The following ARHGEF28 variants were observed in gnomAD, a reference collection of about 807,000 sequenced individuals.
The protein encoded by ARHGEF28 is Rho guanine nucleotide exchange factor 28.
ARHGEF28 carries 152 observed loss-of-function variants against 206.6 expected under a neutral mutation model. The ratio of observed to expected loss-of-function variants is 0.74; its 90% CI spans 0.64 to 0.84. The LOEUF (loss-of-function observed/expected upper bound fraction) is 0.84. Ranked by LOEUF, ARHGEF28 falls within the 40% of genes least tolerant of loss-of-function variation. The pLI is 0.00. For synonymous variants in ARHGEF28, 763 were observed against 776.4 expected (o/e 0.98, Z 0.29); for missense variants, 2,028 against 2,073.2 (o/e 0.98, Z 0.42).
intron 1 of ARHGEF28, among the ~76,000 whole-genome samples, chr5:73,680,226 G>A (rs1308645336): frequency 1.3e-5 from 2 of 151,704 alleles, no homozygotes; most frequent in Non-Finnish European, 2.9e-5. Flanking sequence ...CCTGAGGTCA[G>A]GAGTTCAAGA....
chr5:73,777,375 G>A (rs11960055), intron 6 of ARHGEF28, among the ~76,000 whole-genome samples: 18,313 of 151,912 alleles, frequency 0.12, 1,697 homozygotes, highest in African/African-American at 0.26. Flanking sequence ...GCAGTGCTCC[G>A]GGGTCTATTG....
At position 73,909,871 on chromosome 5, in the gene ARHGEF28, G is replaced by A. The variant is rs1762786511; in HGVS notation, c.4621G>A (p.Ala1541Thr). 13 of 1,521,798 alleles carry A rather than the reference G, an allele frequency of 8.5e-6. No individual in the cohort carries two copies. The highest frequency in any genetic ancestry group is 2.2e-5 in the Admixed American group (1 of 46,112). The allele number at this position is 1,521,798 out of a possible 1,614,324, so 94.3% of individuals were successfully genotyped here. Residue 1541 changes from alanine (A) to threonine (T), a missense_variant, in exon 34 of 36, where the codon GCG becomes ACG. Physicochemically the swap from Ala to Thr is moderately conservative, Grantham distance 58. This residue lies in a region of ARHGEF28 where 803 missense variants were observed against 768.0 expected (regional missense o/e 1.05). Coordinates refer to ENST00000513042, the MANE Select transcript of ARHGEF28 (RefSeq NM_001177693.2). ...GCACGGCCGGCAGAGGAGCCTGCCCGCGGTGCTCCTTCCGGGTGGCCCCGA... is the reference window on the plus strand; with the variant it reads ...GCACGGCCGGCAGAGGAGCCTGCCCACGGTGCTCCTTCCGGGTGGCCCCGA... ...WKHGRQRSLP[A>T]VLLPGGPEVM...
At chr5:73,744,250 TA>T (rs1241905585) in intron 2 of ARHGEF28, among the ~76,000 whole-genome samples, 1 of 152,032 alleles carries the variant, frequency 6.6e-6, no homozygotes, top group Non-Finnish European at 1.5e-5. Context: ...CTAAACACAG[TA>T]ATTTGAATAA....
chr5:73,666,223 C>T (rs996920773), intron 1 of ARHGEF28, among the ~76,000 whole-genome samples: 1 of 152,200 alleles, frequency 6.6e-6, no homozygotes, highest in Non-Finnish European at 1.5e-5. Flanking sequence ...AGGATAATCT[C>T]CTTTGATTCC....
Position 73,679,892 on chromosome 5 carries a change from A to G in ARHGEF28, c.-11-4949A>G, listed in dbSNP as rs529876585. ...GATTTTTATGGTTACTTCGCATCTC[A>G]TTACATAAATTGCAAAGATTTGACC... On this transcript the variant is annotated intron_variant, in intron 1 of 35. Coordinates refer to ENST00000513042, the MANE Select transcript of ARHGEF28 (RefSeq NM_001177693.2). Among the ~76,000 whole-genome samples the G allele has an allele frequency of 1.1e-4, 16 of 152,230 alleles. No individual in the cohort carries two copies. The South Asian group carries it at 3.3e-3, about 32-fold the overall frequency.
intron 9 of ARHGEF28, among the ~76,000 whole-genome samples, chr5:73,818,579 T>C (rs1756377400): frequency 6.6e-6 from 1 of 152,188 alleles, no homozygotes; most frequent in Non-Finnish European, 1.5e-5. Context: ...AAGATTTCTT[T>C]GGCTCTCAAT....
chr5:73,684,248 A>C (rs1747299040), intron 1 of ARHGEF28, among the ~76,000 whole-genome samples: 1 of 152,200 alleles, frequency 6.6e-6, no homozygotes, highest in Non-Finnish European at 1.5e-5. Context: ...CCCAACGTCC[A>C]GCTTCTGGTA....
At chr5:73,652,811 G>C (rs1744917188) in intron 1 of ARHGEF28, among the ~76,000 whole-genome samples, 1 of 152,168 alleles carries the variant, frequency 6.6e-6, no homozygotes, top group Admixed American at 6.5e-5. Flanking sequence ...TGGGGAAACT[G>C]AGCTTTCAAG....
chr5:73,903,463 CG>C (rs1762383508), intron 31 of ARHGEF28: 1 of 152,092 alleles, frequency 6.6e-6, no homozygotes, highest in African/African-American at 2.4e-5. Flanking sequence ...GAGAGAAGGC[CG>C]ACAATAAATG....
At chr5:73,923,624 C>T (rs1254621953) in intron 35 of ARHGEF28, among the ~76,000 whole-genome samples, 1 of 152,198 alleles carries the variant, frequency 6.6e-6, no homozygotes, top group East Asian at 1.9e-4. Context: ...CCAGTCCCTT[C>T]ACCCCCTCTA....
chr5:73,634,178 T>G (rs1360945459), intron 1 of ARHGEF28, among the ~76,000 whole-genome samples: 1 of 152,102 alleles, frequency 6.6e-6, no homozygotes, highest in Non-Finnish European at 1.5e-5. Context: ...ACAATAAAAG[T>G]GTTATTTAGG....
At position 73,848,962 on chromosome 5, in the gene ARHGEF28, A is replaced by G. The variant is rs1354664329; in HGVS notation, c.1636-14A>G. On this transcript the variant is annotated splice_polypyrimidine_tract_variant and intron_variant, in intron 12 of 35. Transcript: ENST00000513042. ...TGTATAAATTTTTAAACACTTTATT[A>G]TAATCTCTTTTAGGAATCACTGCTT... The G allele has an allele frequency of 1.3e-6, 2 of 1,506,814 alleles. No homozygotes were observed. Among genetic ancestry groups the G allele is most frequent in the Non-Finnish European group, 1.8e-6 (2 of 1,107,428 alleles). 93.3% of individuals were successfully genotyped at this position (1,506,814 alleles called of 1,614,324 possible).
chr5:73,686,244 G>A (rs566456127), intron 2 of ARHGEF28, among the ~76,000 whole-genome samples: 1 of 152,152 alleles, frequency 6.6e-6, no homozygotes, highest in South Asian at 2.1e-4. Context: ...AAATTGTAAA[G>A]TACTCCCAAA....
At chr5:73,820,736 A>T (rs1756530267) in intron 9 of ARHGEF28, among the ~76,000 whole-genome samples, 1 of 152,126 alleles carries the variant, frequency 6.6e-6, no homozygotes, top group Non-Finnish European at 1.5e-5. Context: ...ATGGCAGGCC[A>T]CAGGTGCTCA....
intron 2 of ARHGEF28, among the ~76,000 whole-genome samples, chr5:73,696,117 G>A (rs915379513): frequency 6.6e-6 from 1 of 152,176 alleles, no homozygotes; most frequent in Non-Finnish European, 1.5e-5. Flanking sequence ...CGCACTGTAG[G>A]CTTTCACTAA....
chr5:73,891,544 T>A (rs1244178029), intron 26 of ARHGEF28, among the ~76,000 whole-genome samples: 1 of 151,998 alleles, frequency 6.6e-6, no homozygotes, highest in East Asian at 1.9e-4. Flanking sequence ...AATTCCTTTT[T>A]TTTTTCTTTT....
intron 4 of ARHGEF28, among the ~76,000 whole-genome samples, chr5:73,772,734 G>A (rs991453925): frequency 2.6e-5 from 4 of 152,156 alleles, no homozygotes; most frequent in Non-Finnish European, 5.9e-5. Flanking sequence ...GGACAGGAAA[G>A]GAGCTTGATC....
intron 10 of ARHGEF28, chr5:73,834,962 C>T (rs563101597): frequency 6.6e-6 from 1 of 152,262 alleles, no homozygotes; most frequent in South Asian, 2.1e-4. Context: ...AAGTGATAGT[C>T]TTTTGTATGC....
At chr5:73,840,143 G>A (rs972928046) in intron 10 of ARHGEF28, among the ~76,000 whole-genome samples, 5 of 152,150 alleles carry the variant, frequency 3.3e-5, no homozygotes, top group African/African-American at 1.2e-4. Context: ...TAAAACAAGA[G>A]TCTCACTCTG....
Sources: gnomAD v4.1 joint callset for allele counts (sites outside exome capture counted in the v4.1 genomes callset) on GRCh38, gnomAD v4.1.1 for gene constraint, gnomAD v4.1.1 regional missense constraint, MANE v1.5 for transcripts, NCBI Gene and HGNC (gene_info 2026-07-23, HGNC 2026-07-21) for gene names.